TMEM131: variants seen among roughly 807,000 people sequenced by gnomAD.
TMEM131 encodes the protein 2610524E03Rik.
In TMEM131, 66 loss-of-function variants were observed where a neutral mutation model predicts 211.6. The observed-to-expected ratio is 0.31, with a 90% CI of 0.26 to 0.38. TMEM131 has a LOEUF of 0.38. TMEM131 is among the 10% of genes least tolerant of loss of function. TMEM131 has a pLI of 1.00. For synonymous variants in TMEM131, 844 were observed against 841.3 expected (o/e 1.00, Z -0.06); for missense variants, 2,036 against 2,299.3 (o/e 0.89, Z 2.34).
intron 22 of TMEM131, 50 bp downstream of exon 22, chr2:97,805,038 A>C (rs1035382075): frequency 8.1e-7 from 1 of 1,230,766 alleles, no homozygotes; most frequent in Non-Finnish European, 1.1e-6. Flanking sequence ...ATTATGTTTC[A>C]ATAGTCATCT....
Position 97,827,314 on chromosome 2 carries a change from C to T in TMEM131, c.1074+6051G>A, listed in dbSNP as rs937892465. 6.0e-5 allele frequency: 47 copies of T among 787,904 alleles called. 1 individual carries two copies. Among genetic ancestry groups the T allele is most frequent in the South Asian group, 3.3e-4 (25 of 74,836 alleles). 48.8% of individuals were successfully genotyped at this position (787,904 alleles called of 1,614,324 possible). Reference sequence around the variant, plus strand: ...GGAAGAGCCCAAGAGGAGATCGGCGCGGTTGTCAGCTAAACCTCCTGCAAA... The same window carrying T: ...GGAAGAGCCCAAGAGGAGATCGGCGTGGTTGTCAGCTAAACCTCCTGCAAA... On this transcript the variant is annotated intron_variant, in intron 11 of 40. Coordinates refer to ENST00000186436, the MANE Select transcript of TMEM131 (RefSeq NM_015348.2).
chr2:97,906,450 C>G (rs1573539330), intron 3 of TMEM131, among the ~76,000 whole-genome samples: 2 of 152,308 alleles, frequency 1.3e-5, no homozygotes, highest in South Asian at 4.1e-4. Context: ...AGCTCTTTCT[C>G]CCCACCCTTA....
At chr2:97,787,920 A>G (rs1680327072) in intron 31 of TMEM131, among the ~76,000 whole-genome samples, 1 of 152,110 alleles carries the variant, frequency 6.6e-6, no homozygotes, top group African/African-American at 2.4e-5. Context: ...TTAGTCTCCT[A>G]ACATTCCTTG....
Position 97,883,471 on chromosome 2 carries a change from G to C in TMEM131, c.359+4581C>G, listed in dbSNP as rs571791133. 5.1e-4 allele frequency among the ~76,000 whole-genome samples: 77 copies of C among 152,214 alleles called. No individual in the cohort carries two copies. In the South Asian group the frequency reaches 0.016, roughly 32 times the overall value. Reference sequence around the variant, plus strand: ...TGAGATTTCAGGTTCTCTATGACTAGTAACAGTCTCTATGAGAAATCCCAT... The same window carrying C: ...TGAGATTTCAGGTTCTCTATGACTACTAACAGTCTCTATGAGAAATCCCAT... On this transcript the variant is annotated intron_variant, in intron 4 of 40. Coordinates refer to ENST00000186436, the MANE Select transcript of TMEM131 (RefSeq NM_015348.2).
intron 4 of TMEM131, among the ~76,000 whole-genome samples, chr2:97,868,920 G>A (rs1472613348): frequency 1.3e-5 from 2 of 152,068 alleles, no homozygotes; most frequent in Admixed American, 6.5e-5. Context: ...AGGGAAATGG[G>A]TACAAACCAC....
chr2:97,966,972 T>C (rs533119155), intron 1 of TMEM131, among the ~76,000 whole-genome samples: 1 of 152,114 alleles, frequency 6.6e-6, no homozygotes, highest in African/African-American at 2.4e-5. Context: ...ACCAAACTTG[T>C]TCCAGGGGTG....
At chr2:97,937,456 G>A (rs1396866798) in intron 1 of TMEM131, among the ~76,000 whole-genome samples, 5 of 151,828 alleles carry the variant, frequency 3.3e-5, no homozygotes, top group African/African-American at 9.7e-5. Context: ...TCTCAGAAGA[G>A]GAGAGAAAAA....
chr2:97,872,315 C>T (rs986381373), intron 4 of TMEM131, among the ~76,000 whole-genome samples: 1 of 151,998 alleles, frequency 6.6e-6, no homozygotes, highest in Non-Finnish European at 1.5e-5. Flanking sequence ...TGATATTCAA[C>T]TGTTGATAGT....
At chr2:97,988,609 A>G (rs1680132524) in intron 1 of TMEM131, among the ~76,000 whole-genome samples, 1 of 152,236 alleles carries the variant, frequency 6.6e-6, no homozygotes, top group Non-Finnish European at 1.5e-5. Context: ...ACGTGGGCAA[A>G]GGACGTGAAT....
intron 29 of TMEM131, among the ~76,000 whole-genome samples, chr2:97,794,152 A>T (rs2104893841): frequency 6.6e-6 from 1 of 151,710 alleles, no homozygotes; most frequent in East Asian, 2.0e-4. Context: ...CTGCAACCTC[A>T]GCCTCCCCAG....
At chr2:97,951,933 C>T (rs1678336762) in intron 1 of TMEM131, among the ~76,000 whole-genome samples, 1 of 152,010 alleles carries the variant, frequency 6.6e-6, no homozygotes, top group African/African-American at 2.4e-5. Context: ...CCAAGGCGGG[C>T]AGATCACGAG....
intron 1 of TMEM131, among the ~76,000 whole-genome samples, chr2:97,958,205 G>A (rs1449897906): frequency 6.6e-6 from 1 of 152,208 alleles, no homozygotes; most frequent in Admixed American, 6.5e-5. Context: ...GGCAGAAGCT[G>A]AGCCACCATC....
intron 2 of TMEM131, among the ~76,000 whole-genome samples, chr2:97,920,966 C>T (rs1676713974): frequency 1.7e-5 from 2 of 118,478 alleles, no homozygotes; most frequent in African/African-American, 6.7e-5. Context: ...AATAAAAAAT[C>T]CCGAGTGTGT....
At chr2:97,829,985 AAC>A (rs2105046626) in intron 11 of TMEM131, among the ~76,000 whole-genome samples, 1 of 152,282 alleles carries the variant, frequency 6.6e-6, no homozygotes, top group East Asian at 1.9e-4. Context: ...TTTCATGTGA[AAC>A]ACACCACTTT....
chr2:97,805,070 T>C lies in TMEM131; in HGVS notation c.2402+18A>G, dbSNP rs545943901. 41 of 1,509,766 alleles carry C rather than the reference T, an allele frequency of 2.7e-5. No individual in the cohort carries two copies. In the South Asian group the frequency reaches 3.5e-4, roughly 13 times the overall value. The allele number at this position is 1,509,766 out of a possible 1,614,324, so 93.5% of individuals were successfully genotyped here. A position where few individuals can be genotyped will look rare whatever the true frequency, so the allele number is the denominator to read the frequency against. ...ATCTTGTAAAGATGGCTAAAATAAA[T>C]AAACATAAACCACTCACCTATGACC... On this transcript the variant is annotated intron_variant, in intron 22 of 40. Coordinates refer to ENST00000186436, the MANE Select transcript of TMEM131 (RefSeq NM_015348.2).
chr2:97,919,568 G>A (rs968656183), intron 2 of TMEM131, among the ~76,000 whole-genome samples: 2 of 151,880 alleles, frequency 1.3e-5, no homozygotes, highest in South Asian at 4.2e-4. Flanking sequence ...TATCTCTTTG[G>A]CTTTGACTTT....
rs1680798116 is a variant in TMEM131, at chr2:97,796,992, C to T, written c.2871-6G>A. On this transcript the variant is annotated splice_polypyrimidine_tract_variant and splice_region_variant and intron_variant, in intron 26 of 40. Coordinates refer to ENST00000186436, the MANE Select transcript of TMEM131 (RefSeq NM_015348.2). Reference sequence around the variant, plus strand: ...CCATCACAGTCAGGTTATTTCTATGCAAGAATGAGAATTACAGATTTTTCT... The same window carrying T: ...CCATCACAGTCAGGTTATTTCTATGTAAGAATGAGAATTACAGATTTTTCT... The T allele has an allele frequency of 1.2e-6, 2 of 1,604,146 alleles. No individual in the cohort carries two copies. Among genetic ancestry groups the T allele is most frequent in the African/African-American group, 1.3e-5 (1 of 74,534 alleles).
chr2:97,776,267 G>T (rs890791616), intron 31 of TMEM131, among the ~76,000 whole-genome samples: 1 of 152,176 alleles, frequency 6.6e-6, no homozygotes. Flanking sequence ...TGTTAGCCAG[G>T]ATGGTCTCAA....
At chr2:97,790,390 C>A (rs919797709) in intron 31 of TMEM131, among the ~76,000 whole-genome samples, 35 of 152,152 alleles carry the variant, frequency 2.3e-4, no homozygotes, top group Admixed American at 2.3e-3. Flanking sequence ...GTAGAGTAGC[C>A]GCGCCTGCAA....
Sources: gnomAD v4.1 joint callset for allele counts (sites outside exome capture counted in the v4.1 genomes callset) on GRCh38, gnomAD v4.1.1 for gene constraint, MANE v1.5 for transcripts, NCBI Gene and HGNC (gene_info 2026-07-23, HGNC 2026-07-21) for gene names.